Variants in CLCN7 observed in about 807,000 individuals in gnomAD.
CLCN7 encodes the protein Cl-/H+ antiporter 7, also known as H(+)/Cl(-) exchange transporter 7.
CLCN7 carries 60 observed loss-of-function variants against 102.1 expected under a neutral mutation model. The ratio of observed to expected loss-of-function variants is 0.59; its 90% CI spans 0.48 to 0.73. The LOEUF (loss-of-function observed/expected upper bound fraction) is 0.73. Ranked by LOEUF, CLCN7 falls within the 30% of genes least tolerant of loss-of-function variation. CLCN7 has a pLI of 0.00. For synonymous variants in CLCN7, 560 were observed against 490.5 expected (o/e 1.14, Z -1.87); for missense variants, 962 against 1,125.7 (o/e 0.85, Z 2.08).
chr16:1,468,967 G>A (rs2039041955), intron 1 of CLCN7, among the ~76,000 whole-genome samples: 1 of 150,544 alleles, frequency 6.6e-6, no homozygotes, highest in African/African-American at 2.4e-5. Flanking sequence ...AAGGCGGGCA[G>A]ATCACCCGAG....
At position 1,454,018 on chromosome 16, in the gene CLCN7, G is replaced by A. The variant is rs1027672939; in HGVS notation, c.1154-124C>T. 7.4e-5 allele frequency: 64 copies of A among 863,754 alleles called. 2 individuals are homozygous for A. Among genetic ancestry groups the A allele is most frequent in the East Asian group, 3.3e-4 (13 of 39,048 alleles). 53.5% of individuals were successfully genotyped at this position (863,754 alleles called of 1,614,324 possible). ...AGGGAAGGGGACGGCAGGGGGCTAG[G>A]GGGTCCTGGTAAGATGCTTCCTCCA... On this transcript the variant is annotated intron_variant, in intron 13 of 24. Coordinates refer to ENST00000382745, the MANE Select transcript of CLCN7 (RefSeq NM_001287.6).
chr16:1,451,663 G>T lies in CLCN7; in HGVS notation c.1407C>A (p.Thr469=), dbSNP rs1274158907. The change falls in exon 16 of 25, where the codon ACC becomes ACA. Residue 469 remains threonine, a synonymous_variant. Coordinates refer to ENST00000382745, the MANE Select transcript of CLCN7 (RefSeq NM_001287.6). ...AGAGGCTCACCACGCTCTTCTCCGG[G>T]GTGTTGAAGAAGGCCGCAGCCATGG... ...YNSMAAAFFN[T]PEKSVVSLFH... 6.2e-7 allele frequency: 1 copy of T among 1,612,698 alleles called. No homozygotes were observed. The highest frequency in any genetic ancestry group is 8.5e-7 in the Non-Finnish European group (1 of 1,179,950).
Position 1,452,785 on chromosome 16 carries a change from C to T in CLCN7, c.1323G>A (p.Leu441=), listed in dbSNP as rs369832980. 370 of 1,605,404 alleles carry T rather than the reference C, an allele frequency of 2.3e-4. No homozygotes were observed. Among genetic ancestry groups the T allele is most frequent in the Non-Finnish European group, 2.9e-4 (346 of 1,176,596 alleles). Residue 441 remains leucine (L), a synonymous_variant, in exon 15 of 25, where the codon CTG becomes CTA. Transcript: ENST00000382745. Reference sequence around the variant, plus strand: ...GCGGGTAGGACATGGAGCCCCCCTGCAGGGGCTGGCAATCCCGCGACGAGT... The same window carrying T: ...GCGGGTAGGACATGGAGCCCCCCTGTAGGGGCTGGCAATCCCGCGACGAGT... The part of the protein sequence containing the change: ...LIYSSRDCQP[L]QGGSMSYPLQ...
chr16:1,458,772 C>G (rs1052061558), intron 7 of CLCN7, among the ~76,000 whole-genome samples: 4 of 152,234 alleles, frequency 2.6e-5, no homozygotes, highest in African/African-American at 9.6e-5. Flanking sequence ...AACTGCTACA[C>G]GCCCACTACC....
chr16:1,446,832 C>A, intron 24 of CLCN7, 115 bp from the exon 25 acceptor site: 1 of 1,147,646 alleles, frequency 8.7e-7, no homozygotes, highest in Non-Finnish European at 1.3e-6. Context: ...GGGGCTTCAG[C>A]ACAGCCCCCG....
chr16:1,457,948 C>T lies in CLCN7; in HGVS notation c.676-192G>A, dbSNP rs573373001. Among the ~76,000 whole-genome samples the T allele has an allele frequency of 3.2e-4, 48 of 152,300 alleles. No individual in the cohort carries two copies. Among genetic ancestry groups the T allele is most frequent in the East Asian group, 7.7e-4 (4 of 5,172 alleles). On this transcript the variant is annotated intron_variant, in intron 7 of 24. Coordinates refer to ENST00000382745, the MANE Select transcript of CLCN7 (RefSeq NM_001287.6). The surrounding 1 kb of genome is among the most constrained non-coding windows in gnomAD (Gnocchi z 5.4). ...AGCTAAACAGCAGCCAAGCGTCCCC[C>T]GCACTCACTCGGGGGACCTGCCCTC...
chr16:1,454,491 A>G, intron 12 of CLCN7, 26 bp from the exon 13 acceptor site: 1 of 1,609,312 alleles, frequency 6.2e-7, no homozygotes, highest in Non-Finnish European at 8.5e-7. Context: ...GAGAAGGCAG[A>G]GGATGTGAGG....
rs2038730621 is a variant in CLCN7 at position 1,450,602 on chromosome 16, G to A, written c.1512C>T (p.Thr504=). The part of the protein sequence containing the change: ...TLVYFFLACW[T]YGLTVSAGVF... ...CCCCGGCAGACACCGTGAGCCCGTAGGTCCAGCAGGCCAGGAAGAAGTAGA... is the reference window on the plus strand; with the variant it reads ...CCCCGGCAGACACCGTGAGCCCGTAAGTCCAGCAGGCCAGGAAGAAGTAGA... The change falls in exon 17 of 25, where the codon ACC becomes ACT. Residue 504 remains threonine, a synonymous_variant. Coordinates refer to ENST00000382745, the MANE Select transcript of CLCN7 (RefSeq NM_001287.6). The A allele has an allele frequency of 6.2e-7, 1 of 1,612,688 alleles. No individual in the cohort carries two copies. The highest frequency in any genetic ancestry group is 8.5e-7 in the Non-Finnish European group (1 of 1,179,818).
At position 1,459,360 on chromosome 16, in the gene CLCN7, C is replaced by T. The variant is rs1190105849; in HGVS notation, c.595-173G>A. 1.7e-3 allele frequency: 829 copies of T among 482,582 alleles called. 27 individuals carry two copies. The highest frequency in any genetic ancestry group is 2.4e-3 in the Non-Finnish European group (655 of 269,936). 29.9% of individuals were successfully genotyped at this position (482,582 alleles called of 1,614,324 possible). On this transcript the variant is annotated intron_variant, in intron 6 of 24. Transcript: ENST00000382745. ...CCAGGGAAGGGAAGAGCAGCACACACGTCAGGGCCCCAGGGAAGGGGAGAG... is the reference window on the plus strand; with the variant it reads ...CCAGGGAAGGGAAGAGCAGCACACATGTCAGGGCCCCAGGGAAGGGGAGAG...
intron 18 of CLCN7, 73 bp from the exon 19 acceptor site, chr16:1,449,166 C>T (rs2038702815): frequency 6.3e-7 from 1 of 1,598,636 alleles, no homozygotes; most frequent in Admixed American, 1.7e-5. Flanking sequence ...GCCTTCTCTG[C>T]AGCACCCATC....
chr16:1,454,665 C>CT, intron 12 of CLCN7, among the ~76,000 whole-genome samples, 200 bp from the exon 13 acceptor site: 1 of 152,220 alleles, frequency 6.6e-6, no homozygotes, highest in South Asian at 2.1e-4. Flanking sequence ...GGCGGGGTGG[C>CT]CAGCGAGGCT....
intron 12 of CLCN7, 89 bp from the exon 13 acceptor site, chr16:1,454,554 G>C: frequency 7.8e-7 from 1 of 1,279,320 alleles, no homozygotes; most frequent in Non-Finnish European, 1.1e-6. Flanking sequence ...CATCTTAAGA[G>C]AGCTGTCCCC....
At position 1,456,117 on chromosome 16, in the gene CLCN7, G is replaced by A. The variant is rs41286693; in HGVS notation, c.912C>T (p.Pro304=). ...ACCCGGTGCGGCCCTCCTCACCCAC[G>A]GGGGCTCCAAACGCCGCTGACACTC... The part of the protein sequence containing the change: ...AAGVSAAFGA[P]VGGVLFSLEE... The change falls in exon 10 of 25, where the codon CCC becomes CCT. Residue 304 remains proline, a synonymous_variant. Transcript: ENST00000382745. The A allele has an allele frequency of 1.7e-5, 26 of 1,554,648 alleles. No homozygotes were observed. The highest frequency in any genetic ancestry group is 9.7e-5 in the East Asian group (4 of 41,360).
At chr16:1,463,045 G>A (rs1567273612) in intron 2 of CLCN7, among the ~76,000 whole-genome samples, 1 of 152,032 alleles carries the variant, frequency 6.6e-6, no homozygotes, top group Non-Finnish European at 1.5e-5. Context: ...CCAGCTACTT[G>A]GGAGACAGAC....
intron 15 of CLCN7, 72 bp downstream of exon 15, chr16:1,452,683 C>G: frequency 6.6e-7 from 1 of 1,512,794 alleles, no homozygotes. Context: ...CTCCCGTAGC[C>G]TAAGCGAGCC....
intron 10 of CLCN7, 143 bp downstream of exon 10, chr16:1,455,970 C>A: frequency 1.0e-6 from 1 of 975,916 alleles, no homozygotes. Context: ...GACCCAAGTA[C>A]ACTGCCGGCC....
At chr16:1,452,024 G>T (rs1467563382) in intron 15 of CLCN7, 4 of 392,374 alleles carry the variant, frequency 1.0e-5, no homozygotes, top group African/African-American at 8.3e-5. Context: ...CTGGTGCCGG[G>T]GAAGGTGGGC....
Position 1,452,118 on chromosome 16 carries a change from G to A in CLCN7, c.1354-402C>T. ...GAGCCTCCTGGGCTCCAGCAGCACA[G>A]GGGGTGTTATCCACGGGGCTGGAGC... is the stretch of plus-strand genomic sequence containing the variant. On this transcript the variant is annotated intron_variant, in intron 15 of 24. Coordinates refer to ENST00000382745, the MANE Select transcript of CLCN7 (RefSeq NM_001287.6). 1.9e-5 allele frequency: 6 copies of A among 319,100 alleles called. 1 individual carries two copies. The highest frequency in any genetic ancestry group is 1.7e-4 in the South Asian group (6 of 36,050). 19.8% of individuals were successfully genotyped at this position (319,100 alleles called of 1,614,324 possible).
chr16:1,454,734 A>G (rs2038807131), intron 12 of CLCN7, among the ~76,000 whole-genome samples: 1 of 150,822 alleles, frequency 6.6e-6, no homozygotes. Flanking sequence ...CACTGGGAAC[A>G]TAGCCCGTGG....
Sources: gnomAD v4.1 joint callset for allele counts (sites outside exome capture counted in the v4.1 genomes callset) on GRCh38, gnomAD v4.1.1 for gene constraint, Gnocchi (gnomAD v3.1) non-coding constraint, MANE v1.5 for transcripts, NCBI Gene and HGNC (gene_info 2026-07-23, HGNC 2026-07-21) for gene names.